RIT2: variants seen among roughly 807,000 people sequenced by gnomAD.
RIT2 encodes the protein GTP-binding protein Rit2.
A neutral mutation model predicts 23.7 loss-of-function variants in RIT2; 24 were observed. That is an observed-to-expected ratio of 1.01 (90% confidence interval 0.73 to 1.43). The LOEUF is 1.43. Ranked by LOEUF, RIT2 falls within the 40% of genes most tolerant of loss-of-function variation. The probability of loss-of-function intolerance (pLI) is 0.00; values close to 1 mark genes in which losing one functional copy is unlikely to be tolerated. For synonymous variants in RIT2, 107 were observed against 91.1 expected, an observed-to-expected ratio of 1.17 and a Z score of -0.99; for missense variants, 236 against 266.9, an observed-to-expected ratio of 0.88 and a Z score of 0.81.
At chr18:43,058,073 A>G (rs114520297) in intron 1 of RIT2, among the ~76,000 whole-genome samples, 1 of 152,118 alleles carries the variant, frequency 6.6e-6, no homozygotes, top group Non-Finnish European at 1.5e-5. Context: ...TGGTAATTAC[A>G]CTAAGATAGA....
At chr18:42,854,950 C>T (rs887961540) in intron 4 of RIT2, among the ~76,000 whole-genome samples, 7 of 152,130 alleles carry the variant, frequency 4.6e-5, no homozygotes, top group African/African-American at 1.7e-4. Flanking sequence ...ATGCTAATAA[C>T]AGGCTATAAA....
chr18:42,884,084 A>C (rs1907960981), intron 4 of RIT2, among the ~76,000 whole-genome samples: 1 of 152,222 alleles, frequency 6.6e-6, no homozygotes, highest in African/African-American at 2.4e-5. Context: ...ACAACCTAGA[A>C]AGACGTTCTC....
intron 3 of RIT2, among the ~76,000 whole-genome samples, chr18:42,943,160 C>G (rs1463028136): frequency 6.6e-6 from 1 of 152,098 alleles, no homozygotes; most frequent in East Asian, 1.9e-4. Flanking sequence ...CCTTATTTGT[C>G]CCCGCCCATG....
intron 4 of RIT2, among the ~76,000 whole-genome samples, chr18:42,747,870 C>A (rs1365127384): frequency 1.3e-5 from 2 of 151,970 alleles, no homozygotes; most frequent in African/African-American, 4.8e-5. Flanking sequence ...CATGTCTCAC[C>A]TTATACAAAA....
chr18:42,822,914 C>T (rs531173863), intron 4 of RIT2, among the ~76,000 whole-genome samples: 1 of 152,216 alleles, frequency 6.6e-6, no homozygotes, highest in South Asian at 2.1e-4. Context: ...AAGTTGGCAA[C>T]GAAGGCGTTT....
intron 1 of RIT2, among the ~76,000 whole-genome samples, chr18:43,091,044 T>C (rs1218008874): frequency 1.3e-5 from 2 of 151,928 alleles, no homozygotes; most frequent in Non-Finnish European, 2.9e-5. Flanking sequence ...AAATAAAAGT[T>C]AATAAGAAGA....
intron 1 of RIT2, 99 bp from the exon 2 acceptor site, chr18:43,033,966 G>T: frequency 1.3e-6 from 1 of 758,768 alleles, no homozygotes; most frequent in Non-Finnish European, 2.2e-6. Flanking sequence ...AGGTTATGGT[G>T]AATAAGTTAG....
At chr18:42,790,713 G>A (rs1598655039) in intron 4 of RIT2, among the ~76,000 whole-genome samples, 1 of 152,256 alleles carries the variant, frequency 6.6e-6, no homozygotes, top group Non-Finnish European at 1.5e-5. Flanking sequence ...ACAGGCGTGA[G>A]CCACTGAGCC....
At chr18:42,818,399 A>G (rs765359011) in intron 4 of RIT2, among the ~76,000 whole-genome samples, 10 of 152,066 alleles carry the variant, frequency 6.6e-5, no homozygotes, top group Non-Finnish European at 1.5e-4. Flanking sequence ...AGAAATTGAA[A>G]GATAGGATTC....
chr18:43,023,521 A>C (rs1046979106), intron 2 of RIT2, among the ~76,000 whole-genome samples: 1 of 152,112 alleles, frequency 6.6e-6, no homozygotes, highest in Non-Finnish European at 1.5e-5. Context: ...TAAAGCAATT[A>C]TATCTACATT....
intron 1 of RIT2, among the ~76,000 whole-genome samples, chr18:43,040,046 C>T (rs1369140440): frequency 6.6e-6 from 1 of 152,144 alleles, no homozygotes; most frequent in African/African-American, 2.4e-5. Flanking sequence ...TCACTGGATA[C>T]CAATTTGGTC....
In RIT2 at chr18:42,796,502, A is replaced by G. The variant is rs540954169; in HGVS notation, c.427-52782T>C. On this transcript the variant is annotated intron_variant, in intron 4 of 4. Transcript: ENST00000326695. ...CTGGGTGCTGTGCCCAGGGTTTTACATGGGTTTTTCTTGTGGGTCAACTCT... is the reference window on the plus strand; with the variant it reads ...CTGGGTGCTGTGCCCAGGGTTTTACGTGGGTTTTTCTTGTGGGTCAACTCT... 7.2e-5 allele frequency among the ~76,000 whole-genome samples: 11 copies of G among 152,252 alleles called. No homozygotes were observed. The South Asian group carries it at 1.9e-3, about 26-fold the overall frequency.
intron 2 of RIT2, among the ~76,000 whole-genome samples, chr18:43,015,178 A>T (rs1911445136): frequency 6.6e-6 from 1 of 151,764 alleles, no homozygotes. Flanking sequence ...GTAATAAAAT[A>T]TTGAGCTATA....
At chr18:43,073,187 T>A (rs1912936402) in intron 1 of RIT2, among the ~76,000 whole-genome samples, 1 of 152,166 alleles carries the variant, frequency 6.6e-6, no homozygotes, top group Admixed American at 6.5e-5. Flanking sequence ...CCCAACTTCT[T>A]AGTCAAATGA....
At chr18:43,075,744 G>A (rs930969614) in intron 1 of RIT2, among the ~76,000 whole-genome samples, 2 of 152,070 alleles carry the variant, frequency 1.3e-5, no homozygotes, top group African/African-American at 4.8e-5. Flanking sequence ...CTCTTGCCAC[G>A]AAGTTTCATT....
At chr18:42,871,875 T>C (rs1907629530) in intron 4 of RIT2, among the ~76,000 whole-genome samples, 1 of 152,202 alleles carries the variant, frequency 6.6e-6, no homozygotes, top group Non-Finnish European at 1.5e-5. Flanking sequence ...TTATTTCAAA[T>C]GATCTGGGGA....
At chr18:43,072,295 G>A (rs1313386929) in intron 1 of RIT2, among the ~76,000 whole-genome samples, 1 of 151,906 alleles carries the variant, frequency 6.6e-6, no homozygotes, top group Non-Finnish European at 1.5e-5. Flanking sequence ...CCTAATTCAT[G>A]GTATTTTTAT....
chr18:42,880,768 C>T (rs1490507413), intron 4 of RIT2, among the ~76,000 whole-genome samples: 1 of 150,714 alleles, frequency 6.6e-6, no homozygotes, highest in African/African-American at 2.4e-5. Context: ...ACAGCAAGGG[C>T]CTGTGTCCAA....
At chr18:42,769,859 A>ATAATAG (rs1438039532) in intron 4 of RIT2, among the ~76,000 whole-genome samples, 1 of 148,272 alleles carries the variant, frequency 6.7e-6, no homozygotes, top group Non-Finnish European at 1.5e-5. Flanking sequence ...AATAATAATA[A>ATAATAG]TAATAATAAT....
Sources: allele counts gnomAD v4.1 joint callset (sites outside exome capture counted in the v4.1 genomes callset), GRCh38; gene constraint gnomAD v4.1.1; transcripts MANE v1.5; gene names NCBI Gene and HGNC (gene_info 2026-07-23, HGNC 2026-07-21).